The following HPCAL1 variants were observed in gnomAD, a reference collection of about 807,000 sequenced individuals.
HPCAL1 encodes the protein hippocalcin like 1.
HPCAL1 carries 8 observed loss-of-function variants against 17.1 expected under a neutral mutation model. That is an observed-to-expected ratio of 0.47 (90% CI 0.27 to 0.84). The LOEUF (loss-of-function observed/expected upper bound fraction) is 0.84, where lower values mean the gene tolerates loss of function less well. Among genes scored for constraint, HPCAL1 ranks in the 40% least tolerant of loss-of-function variants. The probability of loss-of-function intolerance (pLI) is 0.13; values close to 1 mark genes in which losing one functional copy is unlikely to be tolerated. For missense variants in HPCAL1, 165 were observed against 271.1 expected (o/e 0.61, Z 2.75); for synonymous variants, 112 against 111.4 (o/e 1.01, Z -0.03).
intron 4 of HPCAL1, chr2:10,425,127 G>A (rs371874224): frequency 5.7e-5 from 9 of 159,162 alleles, no homozygotes; most frequent in East Asian, 1.8e-4. Flanking sequence ...GGGCTGGCCT[G>A]CTCTCTCTCG....
intron 1 of HPCAL1, among the ~76,000 whole-genome samples, chr2:10,329,743 G>T (rs1209855851): frequency 6.6e-6 from 1 of 152,202 alleles, no homozygotes; most frequent in Non-Finnish European, 1.5e-5. Context: ...TCCCAGCCCT[G>T]CCCAGGCCCA....
rs569441345 is a variant in HPCAL1 at position 10,334,623 on chromosome 2, G to A, written c.-111+31446G>A. Among the ~76,000 whole-genome samples, 64 of 152,182 alleles carry A rather than the reference G, an allele frequency of 4.2e-4. 1 individual carries two copies. Among genetic ancestry groups the A allele is most frequent in the African/African-American group, 1.5e-3 (63 of 41,502 alleles). ...TCAACAATTTTTAAGCTGTATCCAT[G>A]TTGATACATAGATGTGGTTCATGGT... On this transcript the variant is annotated intron_variant, in intron 1 of 4. Coordinates refer to ENST00000307845, the MANE Select transcript of HPCAL1 (RefSeq NM_002149.4).
At chr2:10,338,465 T>C (rs1469687174) in intron 1 of HPCAL1, among the ~76,000 whole-genome samples, 1 of 152,124 alleles carries the variant, frequency 6.6e-6, no homozygotes, top group Non-Finnish European at 1.5e-5. Context: ...ATCTGTGAAG[T>C]AGGGATCATT....
At chr2:10,379,874 G>A (rs1667832804) in intron 1 of HPCAL1, among the ~76,000 whole-genome samples, 1 of 152,206 alleles carries the variant, frequency 6.6e-6, no homozygotes, top group African/African-American at 2.4e-5. Flanking sequence ...AGAACCAGTG[G>A]CTCTTTCTTA....
At chr2:10,303,727 C>T (rs1478831278) in intron 1 of HPCAL1, 1 of 152,210 alleles carries the variant, frequency 6.6e-6, no homozygotes, top group African/African-American at 2.4e-5. Context: ...GGGGCCCACG[C>T]GGAGGCGATC....
chr2:10,338,862 A>G (rs958531814), intron 1 of HPCAL1, among the ~76,000 whole-genome samples: 1 of 152,208 alleles, frequency 6.6e-6, no homozygotes, highest in Non-Finnish European at 1.5e-5. Flanking sequence ...GGGTTTGGTC[A>G]TTAATTTGAT....
rs1572796639 is a variant in HPCAL1, at chr2:10,392,586, T to C, written c.-110-4249T>C. Among the ~76,000 whole-genome samples the C allele has an allele frequency of 2.0e-5, 3 of 152,218 alleles. No individual in the cohort carries two copies. The East Asian group carries it at 5.8e-4, about 29-fold the overall frequency. ...TTGAGTTCTTTCTATGTACCAAGCATTTGTTGTGCATTAGCTCATTTAATC... is the reference window on the plus strand; with the variant it reads ...TTGAGTTCTTTCTATGTACCAAGCACTTGTTGTGCATTAGCTCATTTAATC... On this transcript the variant is annotated intron_variant, in intron 1 of 4. Coordinates refer to ENST00000307845, the MANE Select transcript of HPCAL1 (RefSeq NM_002149.4).
At chr2:10,353,150 G>A (rs754940690) in intron 1 of HPCAL1, among the ~76,000 whole-genome samples, 2 of 152,184 alleles carry the variant, frequency 1.3e-5, no homozygotes, top group Non-Finnish European at 2.9e-5. Flanking sequence ...GAAAAAGGCC[G>A]CTATGCCTTT....
intron 1 of HPCAL1, among the ~76,000 whole-genome samples, chr2:10,393,119 T>C (rs1161450983): frequency 2.0e-5 from 3 of 152,210 alleles, no homozygotes; most frequent in Non-Finnish European, 4.4e-5. Context: ...GGCATGGCAA[T>C]TTGTAAGACA....
intron 2 of HPCAL1, among the ~76,000 whole-genome samples, chr2:10,411,727 G>C (rs578128224): frequency 6.6e-6 from 1 of 152,162 alleles, no homozygotes; most frequent in African/African-American, 2.4e-5. Context: ...TGAGCACCCC[G>C]CTGGCACCAG....
rs1572609546 is a variant in HPCAL1, at chr2:10,310,879, G to A, written c.-111+7702G>A. Among the ~76,000 whole-genome samples, 1 of 152,122 alleles carries A rather than the reference G, an allele frequency of 6.6e-6. No individual in the cohort carries two copies. Among genetic ancestry groups the A allele is most frequent in the African/African-American group, 2.4e-5 (1 of 41,416 alleles). On this transcript the variant is annotated intron_variant, in intron 1 of 4. Transcript: ENST00000307845. The surrounding 1 kb of genome is among the most constrained non-coding windows in gnomAD (Gnocchi z 4.5). ...CCTTCTTTCTGTGCATTTAACAGAC[G>A]TTTCCAGAAAGCAGAATTGATGACA... is the stretch of plus-strand genomic sequence containing the variant.
At position 10,372,899 on chromosome 2, in the gene HPCAL1, C is replaced by T. The variant is rs578138901; in HGVS notation, c.-110-23936C>T. On this transcript the variant is annotated intron_variant, in intron 1 of 4. Coordinates refer to ENST00000307845, the MANE Select transcript of HPCAL1 (RefSeq NM_002149.4). ...TCTGGGTCCCGGGACTGTGGCCCCC[C>T]TCCTGCCTCTAAAGCCCCTCTTCTG... Among the ~76,000 whole-genome samples, 6 of 152,340 alleles carry T rather than the reference C, an allele frequency of 3.9e-5. No individual in the cohort carries two copies. The East Asian group carries it at 1.2e-3, about 29-fold the overall frequency.
intron 2 of HPCAL1, among the ~76,000 whole-genome samples, chr2:10,411,848 T>C (rs1670379126): frequency 6.6e-6 from 1 of 152,194 alleles, no homozygotes; most frequent in Non-Finnish European, 1.5e-5. Flanking sequence ...GGAGGTAGGC[T>C]GGAGAGGGCA....
rs1671465749 is a variant in HPCAL1, at chr2:10,427,109, C to T, written c.*288C>T. The stretch of plus-strand genomic sequence containing the variant: ...CAGGCACCTCCCGGCTCACGGGGAG[C>T]TCAGAGGTCCATGCCGAGGAGACCA... On this transcript the variant is annotated 3_prime_UTR_variant, in exon 5 of 5. Coordinates refer to ENST00000307845, the MANE Select transcript of HPCAL1 (RefSeq NM_002149.4). 2.4e-6 allele frequency: 1 copy of T among 420,458 alleles called. No individual in the cohort carries two copies. The highest frequency in any genetic ancestry group is 5.0e-5 in the East Asian group (1 of 20,142). 26.0% of individuals were successfully genotyped at this position (420,458 alleles called of 1,614,324 possible).
rs1558517379 is a variant in HPCAL1, at chr2:10,399,223, CCACCACCACCACCACCAT to C, written c.-25+2321_-25+2338del. Among the ~76,000 whole-genome samples, 110 of 80,206 alleles carry C rather than the reference CCACCACCACCACCACCAT, an allele frequency of 1.4e-3. 5 individuals carry two copies. Among genetic ancestry groups the C allele is most frequent in the African/African-American group, 4.1e-3 (87 of 21,184 alleles). 52.6% of individuals were successfully genotyped at this position (80,206 alleles called of 152,430 possible). A position where few individuals can be genotyped will look rare whatever the true frequency, so the allele number is the denominator to read the frequency against. ...TAATATCACTGCACCACCACCACCA[CCACCACCACCACCACCAT>C]CACCACCACCACCACCACCATCACC... On this transcript the variant is annotated intron_variant, in intron 2 of 4. Coordinates refer to ENST00000307845, the MANE Select transcript of HPCAL1 (RefSeq NM_002149.4).
rs1197349749 is a variant in HPCAL1 at position 10,331,501 on chromosome 2, C to T, written c.-111+28324C>T. Among the ~76,000 whole-genome samples the T allele has an allele frequency of 1.3e-5, 2 of 152,184 alleles. No individual in the cohort carries two copies. The highest frequency in any genetic ancestry group is 2.9e-5 in the Non-Finnish European group (2 of 68,032). On this transcript the variant is annotated intron_variant, in intron 1 of 4. Coordinates refer to ENST00000307845, the MANE Select transcript of HPCAL1 (RefSeq NM_002149.4). The surrounding 1 kb of genome is among the most constrained non-coding windows in gnomAD (Gnocchi z 5.0). The stretch of plus-strand genomic sequence containing the variant: ...GGAAACCTTGCTGGTGGAACGGATG[C>T]AGCAGCGAGGTTTTCCGGGGCAGGA...
intron 1 of HPCAL1, among the ~76,000 whole-genome samples, chr2:10,327,664 ATTTAT>A (rs1367977381): frequency 1.3e-5 from 2 of 151,164 alleles, no homozygotes; most frequent in African/African-American, 4.9e-5. Flanking sequence ...CTGATTTGGT[ATTTAT>A]TTTAAGACTA....
rs1324872860 is a variant in HPCAL1 at position 10,426,839 on chromosome 2, A to G, written c.*18A>G. On this transcript the variant is annotated 3_prime_UTR_variant, in exon 5 of 5. Coordinates refer to ENST00000307845, the MANE Select transcript of HPCAL1 (RefSeq NM_002149.4). ...AGTTCTGAGCGAGCGGCCCCTGGAC[A>G]GTTGCAGAGAAACACAGGCTTGTCG... The G allele has an allele frequency of 2.5e-6, 4 of 1,600,340 alleles. No individual in the cohort carries two copies. The highest frequency in any genetic ancestry group is 3.4e-6 in the Non-Finnish European group (4 of 1,168,440).
intron 1 of HPCAL1, among the ~76,000 whole-genome samples, chr2:10,320,450 C>T (rs1231193276): frequency 1.3e-5 from 2 of 152,210 alleles, no homozygotes; most frequent in Non-Finnish European, 2.9e-5. Flanking sequence ...CCTTCTGCTC[C>T]AGCCATGTAG....
Sources: allele counts gnomAD v4.1 joint callset (sites outside exome capture counted in the v4.1 genomes callset), GRCh38; gene constraint gnomAD v4.1.1; non-coding constraint Gnocchi (gnomAD v3.1); transcripts MANE v1.5; gene names NCBI Gene and HGNC (gene_info 2026-07-23, HGNC 2026-07-21).